Variants in DLG2 observed in about 807,000 individuals in gnomAD.
DLG2 encodes the protein discs large MAGUK scaffold protein 2.
Under a neutral mutation model 132.5 loss-of-function variants are expected in DLG2, and 45 were observed. The ratio of observed to expected loss-of-function variants is 0.34; its 90% CI spans 0.27 to 0.44. DLG2 has a LOEUF of 0.44. Ranked by LOEUF, DLG2 falls within the 20% of genes least tolerant of loss-of-function variation. The pLI is 1.00. For missense variants in DLG2, 1,045 were observed against 1,196.9 expected, an observed-to-expected ratio of 0.87 and a Z score of 1.87; for synonymous variants, 424 against 419.6, an observed-to-expected ratio of 1.01 and a Z score of -0.13.
At chr11:85,420,274 G>C (rs1236461367) in intron 3 of DLG2, among the ~76,000 whole-genome samples, 1 of 152,212 alleles carries the variant, frequency 6.6e-6, no homozygotes, top group African/African-American at 2.4e-5. Context: ...ATGCAGAACA[G>C]CAAAGACTGC....
At chr11:85,190,187 T>G (rs940381840) in intron 4 of DLG2, among the ~76,000 whole-genome samples, 1 of 152,194 alleles carries the variant, frequency 6.6e-6, no homozygotes, top group African/African-American at 2.4e-5. Context: ...TAATAGAATT[T>G]ACCTCCCAAA....
chr11:84,257,658 G>C (rs921581505), intron 7 of DLG2, among the ~76,000 whole-genome samples: 19 of 147,664 alleles, frequency 1.3e-4, no homozygotes, highest in Non-Finnish European at 2.4e-4. Context: ...AATGAAAACA[G>C]ATTTCACCAG....
At chr11:84,035,533 A>G (rs546216865) in intron 11 of DLG2, among the ~76,000 whole-genome samples, 1 of 152,302 alleles carries the variant, frequency 6.6e-6, no homozygotes, top group East Asian at 1.9e-4. Context: ...CAGTTGTAAG[A>G]AAGCTAGTGT....
At chr11:84,497,901 T>C (rs2099189532) in intron 7 of DLG2, among the ~76,000 whole-genome samples, 1 of 152,130 alleles carries the variant, frequency 6.6e-6, no homozygotes, top group African/African-American at 2.4e-5. Flanking sequence ...TATCCACTGA[T>C]TGAGCTATGG....
At chr11:84,167,998 C>T (rs973659673) in intron 8 of DLG2, among the ~76,000 whole-genome samples, 2 of 152,142 alleles carry the variant, frequency 1.3e-5, no homozygotes, top group Non-Finnish European at 2.9e-5. Flanking sequence ...ATCTCTGTGT[C>T]ACATATTATA....
intron 3 of DLG2, among the ~76,000 whole-genome samples, chr11:85,497,683 G>C (rs1333527205): frequency 6.6e-6 from 1 of 151,830 alleles, no homozygotes; most frequent in African/African-American, 2.4e-5. Flanking sequence ...CAGAGAGAAA[G>C]GTCAGGTTAC....
intron 2 of DLG2, chr11:85,625,238 C>A (rs2081972406): frequency 1.3e-5 from 2 of 152,038 alleles, no homozygotes; most frequent in African/African-American, 4.8e-5. Flanking sequence ...ATAAGGTAAT[C>A]CAAAAGAAAC....
chr11:85,094,332 A>C (rs1005213430), intron 6 of DLG2, among the ~76,000 whole-genome samples: 5 of 152,254 alleles, frequency 3.3e-5, no homozygotes, highest in Non-Finnish European at 7.3e-5. Context: ...GACCAGGTCC[A>C]TAAGTTCCTA....
At chr11:85,271,146 T>C (rs1001514529) in intron 4 of DLG2, among the ~76,000 whole-genome samples, 5 of 151,958 alleles carry the variant, frequency 3.3e-5, no homozygotes, top group African/African-American at 9.7e-5. Flanking sequence ...CAGTCTAGAG[T>C]GTCCTGTGTC....
At chr11:84,250,547 C>T (rs1004147430) in intron 8 of DLG2, among the ~76,000 whole-genome samples, 1 of 152,320 alleles carries the variant, frequency 6.6e-6, no homozygotes, top group South Asian at 2.1e-4. Flanking sequence ...ATCCTCCACT[C>T]ATCAGCTAGC....
intron 7 of DLG2, among the ~76,000 whole-genome samples, chr11:84,416,035 T>C (rs2098928457): frequency 6.6e-6 from 1 of 152,166 alleles, no homozygotes; most frequent in African/African-American, 2.4e-5. Flanking sequence ...TCCAGTTCTT[T>C]CTCCTTTCAT....
At chr11:85,311,901 T>A (rs549853486) in intron 3 of DLG2, among the ~76,000 whole-genome samples, 14 of 152,180 alleles carry the variant, frequency 9.2e-5, no homozygotes, top group African/African-American at 3.1e-4. Context: ...GTATAAAGTA[T>A]GCTGCCAAGA....
intron 4 of DLG2, among the ~76,000 whole-genome samples, chr11:85,275,862 T>A (rs1405641132): frequency 4.6e-5 from 7 of 152,034 alleles, no homozygotes; most frequent in African/African-American, 1.7e-4. Flanking sequence ...AGTTCTATCA[T>A]GCTTACAATA....
intron 3 of DLG2, among the ~76,000 whole-genome samples, chr11:85,537,214 C>A (rs1196625515): frequency 2.6e-5 from 4 of 152,118 alleles, no homozygotes; most frequent in Non-Finnish European, 4.4e-5. Context: ...TAAAACGGAC[C>A]AATCAGCTCT....
chr11:83,905,360 G>A (rs1251338779), intron 15 of DLG2, among the ~76,000 whole-genome samples: 1 of 152,096 alleles, frequency 6.6e-6, no homozygotes, highest in East Asian at 1.9e-4. Flanking sequence ...CCATTAAATG[G>A]AACTTCCTTA....
intron 7 of DLG2, among the ~76,000 whole-genome samples, chr11:84,531,428 G>T (rs2099340001): frequency 6.6e-6 from 1 of 152,126 alleles, no homozygotes; most frequent in Non-Finnish European, 1.5e-5. Context: ...TCCATGATAT[G>T]CAGTTTACCT....
At chr11:84,448,405 C>T (rs575907884) in intron 7 of DLG2, among the ~76,000 whole-genome samples, 1 of 151,650 alleles carries the variant, frequency 6.6e-6, no homozygotes, top group East Asian at 1.9e-4. Context: ...ATGAGTAATA[C>T]AATAATCTCT....
intron 6 of DLG2, among the ~76,000 whole-genome samples, chr11:85,088,605 T>C (rs980836284): frequency 6.6e-6 from 1 of 152,186 alleles, no homozygotes; most frequent in Non-Finnish European, 1.5e-5. Flanking sequence ...AAAGAAAGCA[T>C]TATTTTATTT....
intron 8 of DLG2, among the ~76,000 whole-genome samples, chr11:84,248,598 G>A (rs1019257772): frequency 1.7e-4 from 26 of 152,232 alleles, no homozygotes; most frequent in Admixed American, 2.6e-4. Context: ...GCTTACACTC[G>A]TAATCCCAGC....
Sources: allele counts gnomAD v4.1 joint callset (sites outside exome capture counted in the v4.1 genomes callset), GRCh38; gene constraint gnomAD v4.1.1; transcripts MANE v1.5; gene names NCBI Gene and HGNC (gene_info 2026-07-23, HGNC 2026-07-21).